The following KIAA0825 variants were observed in gnomAD, a reference collection of about 807,000 sequenced individuals.
The protein encoded by KIAA0825 is uncharacterized protein KIAA0825.
KIAA0825 carries 119 observed loss-of-function variants against 147.6 expected under a neutral mutation model. The observed-to-expected ratio is 0.81, with a 90% CI of 0.69 to 0.94. The LOEUF (loss-of-function observed/expected upper bound fraction) is 0.94. Ranked by LOEUF, KIAA0825 falls within the 40% of genes least tolerant of loss-of-function variation. KIAA0825 has a pLI of 0.00. For missense variants in KIAA0825, 1,381 were observed against 1,472.7 expected (o/e 0.94, Z 1.02); for synonymous variants, 470 against 518.1 (o/e 0.91, Z 1.26).
rs960907968 is a variant in KIAA0825 at position 94,519,604 on chromosome 5, T to C, written c.970+644A>G. ...ATAGTAGAGAAACTTTAAAAATAGCTATAGTAAAATGTTATACCTTCCTAA... is the reference window on the plus strand; with the variant it reads ...ATAGTAGAGAAACTTTAAAAATAGCCATAGTAAAATGTTATACCTTCCTAA... On this transcript the variant is annotated intron_variant, in intron 5 of 20. Coordinates refer to ENST00000682413, the MANE Select transcript of KIAA0825 (RefSeq NM_001145678.3). The C allele has an allele frequency of 1.3e-4, 78 of 591,032 alleles. No homozygotes were observed. In the Admixed American group the frequency reaches 1.9e-3, roughly 14 times the overall value. 36.6% of individuals were successfully genotyped at this position (591,032 alleles called of 1,614,324 possible).
In KIAA0825 at chr5:94,473,312, G is replaced by A; in HGVS notation, c.1435C>T (p.Gln479Ter). 1 of 1,551,684 alleles carries A rather than the reference G, an allele frequency of 6.4e-7. No homozygotes were observed. The highest frequency in any genetic ancestry group is 8.7e-7 in the Non-Finnish European group (1 of 1,146,934). The part of the protein sequence containing the change: ...QDSHMFPEEE[Q>*]PKKIGKFCSD... The stretch of plus-strand genomic sequence containing the variant: ...CTTGCTTTTCCAATTTTCTTTGGTT[G>A]TTCCTCCTCAGGAAACATATGGCTG... Residue 479 changes from glutamine to a stop codon, truncating the protein, a stop_gained, in exon 8 of 21, where the codon CAA (glutamine) becomes TAA (stop). Coordinates refer to ENST00000682413, the MANE Select transcript of KIAA0825 (RefSeq NM_001145678.3). LOFTEE classifies it high-confidence loss of function.
chr5:94,436,849 C>A (rs1584488390), intron 14 of KIAA0825, among the ~76,000 whole-genome samples: 1 of 152,034 alleles, frequency 6.6e-6, no homozygotes, highest in East Asian at 1.9e-4. Context: ...CCATTATTAG[C>A]TGTATTCCTA....
At chr5:94,506,944 G>C (rs1765801639) in intron 5 of KIAA0825, among the ~76,000 whole-genome samples, 1 of 152,070 alleles carries the variant, frequency 6.6e-6, no homozygotes, top group African/African-American at 2.4e-5. Context: ...GACACTTGAG[G>C]TGATAACAGT....
At chr5:94,588,788 C>G (rs1783799694) in intron 1 of KIAA0825, among the ~76,000 whole-genome samples, 1 of 152,176 alleles carries the variant, frequency 6.6e-6, no homozygotes, top group Non-Finnish European at 1.5e-5. Context: ...GGAACCAACC[C>G]ATATGTCCAT....
At chr5:94,573,541 A>G (rs1182513147) in intron 2 of KIAA0825, among the ~76,000 whole-genome samples, 3 of 152,048 alleles carry the variant, frequency 2.0e-5, no homozygotes, top group Admixed American at 2.0e-4. Flanking sequence ...CAAAGTGCTG[A>G]GGTTACAGGT....
chr5:94,201,619 T>G (rs950182528), intron 20 of KIAA0825, among the ~76,000 whole-genome samples: 1 of 151,742 alleles, frequency 6.6e-6, no homozygotes, highest in Non-Finnish European at 1.5e-5. Flanking sequence ...TTTTTTGGTT[T>G]TTTTTTTTTG....
intron 5 of KIAA0825, among the ~76,000 whole-genome samples, chr5:94,510,210 A>G (rs1265430063): frequency 6.6e-6 from 1 of 152,184 alleles, no homozygotes; most frequent in African/African-American, 2.4e-5. Flanking sequence ...GTATAAAGCC[A>G]TTTATTCTAG....
rs368289292 is a variant in KIAA0825 at position 94,520,713 on chromosome 5, G to A, written c.505C>T (p.Arg169Ter). Residue 169 changes from arginine (R) to a stop codon, truncating the protein, a stop_gained, in exon 5 of 21, where the codon CGA (arginine) becomes TGA (stop). Transcript: ENST00000682413. LOFTEE classifies it high-confidence loss of function. ...TGTAATTTGCTCACTAAGAAGCGTC[G>A]AAGATGCAGTCTTATATCATCCCAC... is the stretch of plus-strand genomic sequence containing the variant. Reference protein sequence around the residue: ...SMWDDIRLHLRRFLVSKLQSH... With the variant: ...SMWDDIRLHL 5.3e-5 allele frequency: 85 copies of A among 1,613,098 alleles called. No homozygotes were observed. The highest frequency in any genetic ancestry group is 2.7e-4 in the East Asian group (12 of 44,858).
intron 2 of KIAA0825, among the ~76,000 whole-genome samples, chr5:94,541,221 G>T (rs1773236362): frequency 6.6e-6 from 1 of 152,204 alleles, no homozygotes; most frequent in African/African-American, 2.4e-5. Flanking sequence ...ACGCTGGAAA[G>T]AGTCAGACCT....
intron 18 of KIAA0825, among the ~76,000 whole-genome samples, chr5:94,388,563 A>G (rs1362179885): frequency 3.3e-5 from 5 of 152,200 alleles, no homozygotes; most frequent in Non-Finnish European, 7.3e-5. Context: ...TTTTATTGAC[A>G]AAAAAGCTTT....
intron 2 of KIAA0825, among the ~76,000 whole-genome samples, chr5:94,576,454 G>A (rs1394858551): frequency 6.6e-6 from 1 of 151,986 alleles, no homozygotes; most frequent in African/African-American, 2.4e-5. Flanking sequence ...GTGGGACGGT[G>A]GTTTTATAAG....
chr5:94,468,971 G>A (rs1486663799), intron 10 of KIAA0825, among the ~76,000 whole-genome samples: 1 of 152,086 alleles, frequency 6.6e-6, no homozygotes, highest in East Asian at 1.9e-4. Context: ...CCCTGCCCTG[G>A]AATCAACTTC....
At chr5:94,501,607 G>A (rs1025949544) in intron 5 of KIAA0825, among the ~76,000 whole-genome samples, 2 of 152,176 alleles carry the variant, frequency 1.3e-5, no homozygotes, top group African/African-American at 4.8e-5. Flanking sequence ...GATGCAAGAG[G>A]GGTCAGGTGA....
intron 20 of KIAA0825, among the ~76,000 whole-genome samples, chr5:94,323,399 A>G (rs941349689): frequency 4.0e-5 from 6 of 151,848 alleles, no homozygotes; most frequent in African/African-American, 1.4e-4. Context: ...TAAGTTCACA[A>G]CCCTATCTGG....
chr5:94,553,029 C>T (rs1011057210), intron 2 of KIAA0825, among the ~76,000 whole-genome samples: 1 of 152,162 alleles, frequency 6.6e-6, no homozygotes, highest in African/African-American at 2.4e-5. Flanking sequence ...ATGTTCCCAA[C>T]ACAAAGAAAT....
intron 2 of KIAA0825, among the ~76,000 whole-genome samples, chr5:94,564,971 TTCTTCTCTTC>T (rs557684622): frequency 1.4e-5 from 2 of 144,978 alleles, no homozygotes; most frequent in Admixed American, 1.4e-4. Flanking sequence ...TCTTTTCTTT[TTCTTCTCTTC>T]TCTTCTCTTC....
intron 5 of KIAA0825, among the ~76,000 whole-genome samples, chr5:94,491,081 G>A (rs1008774150): frequency 6.6e-6 from 1 of 152,024 alleles, no homozygotes; most frequent in Non-Finnish European, 1.5e-5. Flanking sequence ...CAGATAATCT[G>A]GAGCTGGAGG....
intron 1 of KIAA0825, among the ~76,000 whole-genome samples, chr5:94,611,674 G>A (rs1788833256): frequency 6.7e-6 from 1 of 148,340 alleles, no homozygotes; most frequent in Non-Finnish European, 1.5e-5. Flanking sequence ...GGCTGGGCAT[G>A]GTGCCTCATG....
intron 1 of KIAA0825, among the ~76,000 whole-genome samples, chr5:94,616,297 T>C (rs116505746): frequency 0.012 from 1,901 of 152,342 alleles, 34 homozygotes; most frequent in African/African-American, 0.043. Flanking sequence ...TATTGGTCAT[T>C]TCAACTAAAT....
Sources: gnomAD v4.1 joint callset for allele counts (sites outside exome capture counted in the v4.1 genomes callset) on GRCh38, gnomAD v4.1.1 for gene constraint, MANE v1.5 for transcripts, NCBI Gene and HGNC (gene_info 2026-07-23, HGNC 2026-07-21) for gene names.